SOX5: variants seen among roughly 807,000 people sequenced by gnomAD.
The protein encoded by SOX5 is transcription factor SOX-5.
SOX5 carries 9 observed loss-of-function variants against 92.0 expected under a neutral mutation model. The observed-to-expected ratio is 0.10, with a 90% confidence interval of 0.06 to 0.17. SOX5 has a LOEUF of 0.17. Ranked by LOEUF, SOX5 falls within the 10% of genes least tolerant of loss-of-function variation. The pLI is 1.00. For missense variants in SOX5, 642 were observed against 944.5 expected (o/e 0.68, Z 4.20); for synonymous variants, 344 against 336.3 (o/e 1.02, Z -0.25).
At chr12:23,883,110 G>A (rs1437050117) in intron 2 of SOX5, among the ~76,000 whole-genome samples, 2 of 151,962 alleles carry the variant, frequency 1.3e-5, no homozygotes, top group Non-Finnish European at 2.9e-5. Flanking sequence ...GAACCCGGGA[G>A]GTGGAGCTTG....
intron 6 of SOX5, among the ~76,000 whole-genome samples, chr12:23,678,196 GT>G (rs1343104461): frequency 2.0e-5 from 3 of 152,076 alleles, no homozygotes; most frequent in South Asian, 2.1e-4. Context: ...GTAATCATGA[GT>G]TTTTTAATCT....
At chr12:23,788,921 A>G (rs1402241328) in intron 3 of SOX5, among the ~76,000 whole-genome samples, 4 of 152,004 alleles carry the variant, frequency 2.6e-5, no homozygotes, top group African/African-American at 9.7e-5. Context: ...ATTATAGCTG[A>G]AGAAACCTAA....
chr12:24,535,343 A>C (rs1951547270), intron 1 of SOX5, among the ~76,000 whole-genome samples: 2 of 152,216 alleles, frequency 1.3e-5, no homozygotes, highest in Admixed American at 6.5e-5. Context: ...TTTCTATTTA[A>C]AGTACAAATA....
intron 4 of SOX5, among the ~76,000 whole-genome samples, chr12:24,075,183 T>C (rs1301561587): frequency 6.6e-6 from 1 of 150,798 alleles, no homozygotes; most frequent in Non-Finnish European, 1.5e-5. Context: ...TCAGGAGGAT[T>C]GCTTGAGCCC....
chr12:24,164,085 T>A (rs1364654693), intron 4 of SOX5, among the ~76,000 whole-genome samples: 5 of 152,062 alleles, frequency 3.3e-5, no homozygotes, highest in African/African-American at 1.2e-4. Context: ...CTACTTATGG[T>A]CTCAGAGAAT....
chr12:24,406,603 GC>G (rs1198986105), intron 1 of SOX5, among the ~76,000 whole-genome samples: 2 of 152,136 alleles, frequency 1.3e-5, no homozygotes, highest in East Asian at 3.9e-4. Context: ...TCAAAACTGG[GC>G]CCCAGATGGG....
intron 9 of SOX5, among the ~76,000 whole-genome samples, chr12:23,596,020 G>C (rs1367762443): frequency 2.0e-5 from 3 of 152,224 alleles, no homozygotes; most frequent in Non-Finnish European, 4.4e-5. Context: ...CAGAAGCAAA[G>C]TTACCTTGAG....
intron 6 of SOX5, among the ~76,000 whole-genome samples, chr12:23,679,620 C>T (rs2086261878): frequency 6.6e-6 from 1 of 152,068 alleles, no homozygotes; most frequent in African/African-American, 2.4e-5. Flanking sequence ...CCAAAACTTC[C>T]TAAATGGTCA....
intron 4 of SOX5, among the ~76,000 whole-genome samples, chr12:24,056,873 GC>G (rs1958169146): frequency 6.9e-6 from 1 of 145,460 alleles, no homozygotes; most frequent in South Asian, 2.2e-4. Flanking sequence ...TACTTGGAAG[GC>G]TGAGGCAGGA....
At position 23,531,741 on chromosome 12, in the gene SOX5, CTAAAA is replaced by C. The variant is rs1939132287; in HGVS notation, c.*2473_*2477del. The C allele has an allele frequency of 6.6e-6, 1 of 151,808 alleles. No homozygotes were observed. Among genetic ancestry groups the C allele is most frequent in the African/African-American group, 2.4e-5 (1 of 41,348 alleles). The allele number at this position is 151,808 out of a possible 1,614,324, so 9.4% of individuals were successfully genotyped here. A position where few individuals can be genotyped will look rare whatever the true frequency, so the allele number is the denominator to read the frequency against. On this transcript the variant is annotated 3_prime_UTR_variant, in exon 15 of 15. Coordinates refer to ENST00000451604, the MANE Select transcript of SOX5 (RefSeq NM_006940.6). ...CTAGATGACTGTGGCAATTAAATAA[CTAAAA>C]TGAGTGATGAGAGCATAAGTTAATT... is the stretch of plus-strand genomic sequence containing the variant.
chr12:23,652,521 T>TTG (rs1555230407), intron 7 of SOX5, among the ~76,000 whole-genome samples: 9 of 151,450 alleles, frequency 5.9e-5, no homozygotes, highest in Non-Finnish European at 1.0e-4. Flanking sequence ...TCTACTGTTT[T>TTG]TTTTTTTTTT....
rs1342870859 is a variant in SOX5 at position 24,500,758 on chromosome 12, G to A, written c.-251+61571C>T. 6.6e-5 allele frequency among the ~76,000 whole-genome samples: 10 copies of A among 152,270 alleles called. No homozygotes were observed. In the East Asian group the frequency reaches 1.9e-3, roughly 29 times the overall value. On this transcript the variant is annotated intron_variant, in intron 1 of 4. Coordinates refer to the SOX5 transcript ENST00000446891. ...AGCTACCGCTGTTCCAACATGCAAT[G>A]CACAATCTTTGGCTTCTCCCAAACA...
intron 4 of SOX5, among the ~76,000 whole-genome samples, chr12:24,046,672 C>CTT (rs61416662): frequency 0.38 from 47,814 of 126,556 alleles, 10,365 homozygotes; most frequent in East Asian, 0.65. Flanking sequence ...TAAAATGTGT[C>CTT]TTTTTTTTTT....
intron 2 of SOX5, among the ~76,000 whole-genome samples, chr12:24,310,550 C>A (rs1488893434): frequency 6.6e-6 from 1 of 152,142 alleles, no homozygotes; most frequent in African/African-American, 2.4e-5. Flanking sequence ...TATACATGAG[C>A]CCATCCTATA....
chr12:24,189,300 C>A (rs892402842), intron 4 of SOX5, among the ~76,000 whole-genome samples: 3 of 152,184 alleles, frequency 2.0e-5, no homozygotes, highest in Admixed American at 6.5e-5. Flanking sequence ...AATAAATCCT[C>A]ATTCATCCTT....
intron 4 of SOX5, among the ~76,000 whole-genome samples, chr12:24,118,102 G>A (rs1040811131): frequency 1.3e-5 from 2 of 151,824 alleles, no homozygotes; most frequent in Non-Finnish European, 2.9e-5. Context: ...GCTGGGGGGT[G>A]GGAAGGGATG....
chr12:23,714,101 AAAAAG>A (rs1567169098), intron 6 of SOX5, among the ~76,000 whole-genome samples: 2 of 151,892 alleles, frequency 1.3e-5, no homozygotes, highest in Admixed American at 1.3e-4. Context: ...AAAAAAAAAA[AAAAAG>A]AAAAGATTAT....
At chr12:23,540,388 A>G (rs1202096565) in intron 13 of SOX5, among the ~76,000 whole-genome samples, 10 of 143,256 alleles carry the variant, frequency 7.0e-5, no homozygotes, top group South Asian at 4.2e-4. Flanking sequence ...TAATAATAAT[A>G]ATAATAATAA....
chr12:23,609,729 A>T (rs995668105), intron 8 of SOX5, among the ~76,000 whole-genome samples: 1 of 152,146 alleles, frequency 6.6e-6, no homozygotes, highest in Admixed American at 6.6e-5. Flanking sequence ...TCACACAGAG[A>T]GGATTTCCCT....
Sources: gnomAD v4.1 joint callset for allele counts (sites outside exome capture counted in the v4.1 genomes callset) on GRCh38, gnomAD v4.1.1 for gene constraint, MANE v1.5 for transcripts, NCBI Gene and HGNC (gene_info 2026-07-23, HGNC 2026-07-21) for gene names.